The following SLAIN1 variants were observed in gnomAD, a reference collection of about 807,000 sequenced individuals.
SLAIN1 encodes SLAIN family member 1, also known as SLAIN motif-containing protein 1.
A neutral mutation model predicts 55.4 loss-of-function variants in SLAIN1; 17 were observed. The ratio of observed to expected loss-of-function variants is 0.31; its 90% CI spans 0.21 to 0.46. The LOEUF (loss-of-function observed/expected upper bound fraction) is 0.46. Among genes scored for constraint, SLAIN1 ranks in the 20% least tolerant of loss-of-function variants. The pLI is 1.00. For synonymous variants in SLAIN1, 348 were observed against 337.4 expected (o/e 1.03, Z -0.35); for missense variants, 682 against 785.1 (o/e 0.87, Z 1.57).
chr13:77,724,744 C>CT (rs111529685), intron 2 of SLAIN1, among the ~76,000 whole-genome samples: 98 of 151,874 alleles, frequency 6.5e-4, no homozygotes, highest in Non-Finnish European at 1.1e-3. Context: ...AAGCATTTTT[C>CT]TTTTTTTTAT....
At chr13:77,759,856 C>T (rs1874880282) in intron 5 of SLAIN1, among the ~76,000 whole-genome samples, 2 of 151,600 alleles carry the variant, frequency 1.3e-5, no homozygotes, top group African/African-American at 2.4e-5. Context: ...ATAGATTTTG[C>T]CTTGTATAAT....
At chr13:77,746,914 A>G in intron 4 of SLAIN1, 59 bp downstream of exon 4, 1 of 1,440,418 alleles carries the variant, frequency 6.9e-7, no homozygotes, top group Non-Finnish European at 9.5e-7. Context: ...TGTGGTCAAG[A>G]AATGGTTTTT....
In SLAIN1 at chr13:77,698,658, C is replaced by T; in HGVS notation, c.626+119C>T. 1 of 1,291,090 alleles carries T rather than the reference C, an allele frequency of 7.7e-7. No homozygotes were observed. The highest frequency in any genetic ancestry group is 9.9e-7 in the Non-Finnish European group (1 of 1,014,650). The allele number at this position is 1,291,090 out of a possible 1,614,324, so 80.0% of individuals were successfully genotyped here. ...CGGCAGCCGGGGTGACTCCCCGCGG[C>T]TCCCGGAGGGGCCGACCCAGCAGGT... On this transcript the variant is annotated intron_variant, in intron 1 of 6. Coordinates refer to ENST00000418532, the MANE Select transcript of SLAIN1 (RefSeq NM_001242868.2). The surrounding 1 kb of genome is among the most constrained non-coding windows in gnomAD (Gnocchi z 4.1).
At position 77,746,817 on chromosome 13, in the gene SLAIN1, C is replaced by T; in HGVS notation, c.1220C>T (p.Ala407Val). The T allele has an allele frequency of 6.2e-7, 1 of 1,613,588 alleles. No individual in the cohort carries two copies. Among genetic ancestry groups the T allele is most frequent in the Non-Finnish European group, 8.5e-7 (1 of 1,179,676 alleles). Reference protein sequence around the residue: ...YQQQQYYSPQAQTPDQQPNRT... With the variant: ...YQQQQYYSPQVQTPDQQPNRT... ...CAGCAACAGTATTATTCACCTCAAG[C>T]CCAAACTCCAGATCAGCAACCAAAT... Residue 407 changes from alanine (A) to valine (V), a missense_variant, in exon 4 of 7, where the codon GCC becomes GTC. By Grantham distance (64) the Ala-to-Val change is moderately conservative. This residue lies in a region of SLAIN1 where 244 missense variants were observed against 295.2 expected (regional missense o/e 0.83). Coordinates refer to ENST00000418532, the MANE Select transcript of SLAIN1 (RefSeq NM_001242868.2).
chr13:77,760,726 A>T, intron 5 of SLAIN1, 102 bp from the exon 6 acceptor site: 1 of 1,245,368 alleles, frequency 8.0e-7, no homozygotes. Flanking sequence ...TCCTGTGTAT[A>T]TTGTACTCTC....
At chr13:77,752,821 C>A (rs146742283) in intron 4 of SLAIN1, among the ~76,000 whole-genome samples, 19 of 152,166 alleles carry the variant, frequency 1.2e-4, no homozygotes, top group African/African-American at 4.6e-4. Context: ...CATTCTTCTG[C>A]GCTTTTATCC....
intron 1 of SLAIN1, among the ~76,000 whole-genome samples, chr13:77,706,190 G>A (rs1453104695): frequency 6.6e-6 from 1 of 151,976 alleles, no homozygotes; most frequent in Non-Finnish European, 1.5e-5. Flanking sequence ...TATTATGAAA[G>A]AAGAAAACTT....
rs142948569 is a variant in SLAIN1, at chr13:77,749,608, C to A, written c.1258+2753C>A. The stretch of plus-strand genomic sequence containing the variant: ...ATTTGAATTCTTTACTTGGTCTATT[C>A]TTCCAGTTTCCTGCTGCATCTCAGC... On this transcript the variant is annotated intron_variant, in intron 4 of 6. Transcript: ENST00000418532. Among the ~76,000 whole-genome samples the A allele has an allele frequency of 4.7e-3, 718 of 152,252 alleles. 4 individuals are homozygous for A. Among genetic ancestry groups the A allele is most frequent in the African/African-American group, 0.017 (695 of 41,556 alleles).
At chr13:77,736,487 G>A (rs1183823372) in intron 2 of SLAIN1, among the ~76,000 whole-genome samples, 2 of 151,910 alleles carry the variant, frequency 1.3e-5, no homozygotes, top group Non-Finnish European at 2.9e-5. Context: ...GATCCTAAAA[G>A]CCATCCTCCC....
intron 1 of SLAIN1, among the ~76,000 whole-genome samples, chr13:77,700,056 G>T (rs895163234): frequency 9.9e-5 from 15 of 152,094 alleles, no homozygotes; most frequent in African/African-American, 3.6e-4. Context: ...GAGATATATG[G>T]GATCAGTTTT....
chr13:77,716,795 A>G (rs1426254302), intron 1 of SLAIN1, among the ~76,000 whole-genome samples: 3 of 152,106 alleles, frequency 2.0e-5, no homozygotes, highest in Non-Finnish European at 4.4e-5. Flanking sequence ...TTTTTTTTAC[A>G]TAGATGATCA....
At chr13:77,703,087 A>C (rs1245008105) in intron 1 of SLAIN1, among the ~76,000 whole-genome samples, 1 of 151,538 alleles carries the variant, frequency 6.6e-6, no homozygotes, top group African/African-American at 2.4e-5. Flanking sequence ...CAGCCAATAT[A>C]AAATGCAGCC....
At position 77,698,301 on chromosome 13, in the gene SLAIN1, A is replaced by G; in HGVS notation, c.388A>G (p.Ser130Gly). Residue 130 changes from serine to glycine, a missense_variant, in exon 1 of 7, where the codon AGC becomes GGC. By Grantham distance (56) the Ser-to-Gly change is moderately conservative (BLOSUM62 0). This residue lies in a region of SLAIN1 where 401 missense variants were observed against 417.3 expected (regional missense o/e 0.96). Coordinates refer to ENST00000418532, the MANE Select transcript of SLAIN1 (RefSeq NM_001242868.2). The surrounding 1 kb of genome is among the most constrained non-coding windows in gnomAD (Gnocchi z 4.1). ...GTTCCCGGGCACCTTCTGCCTGCCT[A>G]GCCCCGCGCCCTCCCTGCTTTGCAG... is the stretch of plus-strand genomic sequence containing the variant. The part of the protein sequence containing the change: ...PAFPGTFCLP[S>G]PAPSLLCSLA... 1 of 1,441,240 alleles carries G rather than the reference A, an allele frequency of 6.9e-7. No individual in the cohort carries two copies. Among genetic ancestry groups the G allele is most frequent in the Non-Finnish European group, 9.1e-7 (1 of 1,098,394 alleles). The allele number at this position is 1,441,240 out of a possible 1,614,324, so 89.3% of individuals were successfully genotyped here.
chr13:77,745,376 GTTTTT>G (rs747010067), intron 3 of SLAIN1, among the ~76,000 whole-genome samples: 1 of 150,480 alleles, frequency 6.6e-6, no homozygotes, highest in Non-Finnish European at 1.5e-5. Context: ...GTACAGTTTT[GTTTTT>G]TTTTAAGCAC....
At chr13:77,730,830 A>T (rs1032052440) in intron 2 of SLAIN1, among the ~76,000 whole-genome samples, 1 of 152,140 alleles carries the variant, frequency 6.6e-6, no homozygotes. Flanking sequence ...GCATTTTCAG[A>T]TAAATGAAGT....
intron 3 of SLAIN1, among the ~76,000 whole-genome samples, chr13:77,746,141 G>A (rs1873795684): frequency 6.6e-6 from 1 of 152,054 alleles, no homozygotes; most frequent in Non-Finnish European, 1.5e-5. Flanking sequence ...GAAGATTTTA[G>A]TTGTTTTAAC....
chr13:77,723,218 G>C (rs1348761195), intron 2 of SLAIN1, among the ~76,000 whole-genome samples: 2 of 152,120 alleles, frequency 1.3e-5, no homozygotes, highest in African/African-American at 2.4e-5. Flanking sequence ...TTTTGTTACT[G>C]TTCCTTCAGG....
At chr13:77,750,199 T>C (rs905532361) in intron 4 of SLAIN1, among the ~76,000 whole-genome samples, 3 of 152,160 alleles carry the variant, frequency 2.0e-5, no homozygotes, top group Admixed American at 6.6e-5. Flanking sequence ...ATGAATTAAA[T>C]ATGGCAAAAT....
At position 77,753,207 on chromosome 13, in the gene SLAIN1, G is replaced by A. The variant is rs375642183; in HGVS notation, c.1263G>A (p.Lys421=). Residue 421 remains lysine (K), a synonymous_variant, in exon 5 of 7, where the codon AAG becomes AAA. Transcript: ENST00000418532. ...CTTAGTAAAATTCTTTTCCAGATAA[G>A]CTCCGAAGAAGTATGCCTAACCTAG... The part of the protein sequence containing the change: ...DQQPNRTNGD[K]LRRSMPNLAR... The A allele has an allele frequency of 8.2e-6, 13 of 1,578,754 alleles. No homozygotes were observed. The highest frequency in any genetic ancestry group is 1.1e-5 in the Non-Finnish European group (13 of 1,166,424).
Sources: allele counts gnomAD v4.1 joint callset (sites outside exome capture counted in the v4.1 genomes callset), GRCh38; gene constraint gnomAD v4.1.1; regional missense constraint gnomAD v4.1.1; non-coding constraint Gnocchi (gnomAD v3.1); transcripts MANE v1.5; gene names NCBI Gene and HGNC (gene_info 2026-07-23, HGNC 2026-07-21).